The following SVIL variants were observed in gnomAD, a reference collection of about 807,000 sequenced individuals.
The protein encoded by SVIL is archvillin.
A neutral mutation model predicts 240.4 loss-of-function variants in SVIL; 101 were observed. The observed-to-expected ratio is 0.42, with a 90% CI of 0.36 to 0.50. The LOEUF is 0.50. Among genes scored for constraint, SVIL ranks in the 20% least tolerant of loss-of-function variants. The probability of loss-of-function intolerance (pLI) is 0.01; values close to 1 mark genes in which losing one functional copy is unlikely to be tolerated. For synonymous variants in SVIL, 999 were observed against 1,100.0 expected (o/e 0.91, Z 1.82); for missense variants, 2,512 against 2,818.7 (o/e 0.89, Z 2.46).
intron 2 of SVIL, among the ~76,000 whole-genome samples, chr10:29,681,804 G>T (rs1258369555): frequency 6.6e-6 from 1 of 152,156 alleles, no homozygotes; most frequent in Admixed American, 6.5e-5. Flanking sequence ...TTGCAATAAG[G>T]CTTGCTGCTT....
chr10:29,555,397 A>G (rs879230649), intron 3 of SVIL, among the ~76,000 whole-genome samples: 2 of 152,088 alleles, frequency 1.3e-5, no homozygotes, highest in Non-Finnish European at 2.9e-5. Flanking sequence ...TGAATATTTG[A>G]TGCCCATAAA....
In SVIL at chr10:29,631,762, G is replaced by A. The variant is rs1589425727; in HGVS notation, c.-201+2658C>T. ...TGCACTCCAGCTTGGCTGACAGAGT[G>A]AGACTCCATCTCAAAAAAATAAAAA... On this transcript the variant is annotated intron_variant, in intron 1 of 37. Coordinates refer to ENST00000355867, the MANE Select transcript of SVIL (RefSeq NM_021738.3). Among the ~76,000 whole-genome samples the A allele has an allele frequency of 2.6e-5, 4 of 152,102 alleles. No individual in the cohort carries two copies. In the South Asian group the frequency reaches 8.3e-4, roughly 32 times the overall value.
chr10:29,573,664 A>G (rs1017546113), intron 1 of SVIL, among the ~76,000 whole-genome samples: 1 of 151,946 alleles, frequency 6.6e-6, no homozygotes, highest in Admixed American at 6.6e-5. Flanking sequence ...GTCATTCTGT[A>G]GGTTAACATA....
intron 2 of SVIL, among the ~76,000 whole-genome samples, chr10:29,671,330 A>C (rs1344932505): frequency 2.0e-5 from 3 of 152,136 alleles, no homozygotes; most frequent in African/African-American, 7.2e-5. Context: ...TCCTTTCAAT[A>C]ACATTTTGGA....
chr10:29,471,279 G>T, intron 30 of SVIL, 36 bp from the exon 31 acceptor site: 3 of 1,531,200 alleles, frequency 2.0e-6, no homozygotes, highest in African/African-American at 1.4e-5. Flanking sequence ...GGTAAGGGGC[G>T]CGGGGCTTTC....
Position 29,471,257 on chromosome 10 carries a change from CA to C in SVIL, c.5530-15del. The C allele has an allele frequency of 6.2e-7, 1 of 1,601,668 alleles. No individual in the cohort carries two copies. The highest frequency in any genetic ancestry group is 8.5e-7 in the Non-Finnish European group (1 of 1,170,826). ...GAGAACCTGGACCTTCCGATTTAAA[CA>C]GAGGTAAATAGGTAAGGGGCGCGGG... On this transcript the variant is annotated splice_polypyrimidine_tract_variant and intron_variant, in intron 30 of 37. Coordinates refer to ENST00000355867, the MANE Select transcript of SVIL (RefSeq NM_021738.3).
intron 3 of SVIL, among the ~76,000 whole-genome samples, chr10:29,560,659 T>C (rs1564640834): frequency 7.7e-6 from 1 of 129,778 alleles, no homozygotes; most frequent in Admixed American, 8.1e-5. Context: ...TATAACCAAA[T>C]CTTTTTTTAA....
chr10:29,536,830 G>A (rs1231829884), intron 6 of SVIL, among the ~76,000 whole-genome samples: 4 of 147,960 alleles, frequency 2.7e-5, no homozygotes, highest in African/African-American at 1.0e-4. Context: ...AGAGTTGCTG[G>A]AACCTGGGAG....
chr10:29,661,539 C>T (rs1000911495), intron 2 of SVIL, among the ~76,000 whole-genome samples: 2 of 152,136 alleles, frequency 1.3e-5, no homozygotes, highest in African/African-American at 4.8e-5. Flanking sequence ...TCTCTTCTCT[C>T]CGGGGCTCTC....
At chr10:29,466,258 CAT>C (rs1471262487) in intron 33 of SVIL, among the ~76,000 whole-genome samples, 2 of 151,322 alleles carry the variant, frequency 1.3e-5, no homozygotes, top group Non-Finnish European at 2.9e-5. Flanking sequence ...CATAAATATA[CAT>C]ATATTGTATT....
chr10:29,659,151 G>A (rs2133032770), intron 2 of SVIL, among the ~76,000 whole-genome samples: 1 of 152,306 alleles, frequency 6.6e-6, no homozygotes, highest in South Asian at 2.1e-4. Context: ...CAAGGTTACA[G>A]AGTCATTCTT....
intron 12 of SVIL, among the ~76,000 whole-genome samples, chr10:29,528,821 A>G (rs1951127695): frequency 6.6e-6 from 1 of 152,308 alleles, no homozygotes; most frequent in South Asian, 2.1e-4. Flanking sequence ...TACTCTGGGA[A>G]ATTAATTCTG....
chr10:29,642,735 G>A (rs1958531119), intron 3 of SVIL, among the ~76,000 whole-genome samples: 2 of 152,232 alleles, frequency 1.3e-5, no homozygotes, highest in South Asian at 4.2e-4. Flanking sequence ...CCAGGCTGGA[G>A]TGCAATGACA....
upstream of SVIL, among the ~76,000 whole-genome samples, chr10:29,637,093 G>A (rs1958335554): frequency 1.3e-5 from 2 of 152,120 alleles, no homozygotes; most frequent in Non-Finnish European, 2.9e-5. Flanking sequence ...ACAGGTGTGA[G>A]CCACCCTGCC....
chr10:29,635,185 T>A (rs1166684464), upstream of SVIL, among the ~76,000 whole-genome samples: 1 of 152,218 alleles, frequency 6.6e-6, no homozygotes, highest in African/African-American at 2.4e-5. Flanking sequence ...GTCTACTGAA[T>A]AAGCTACAAC....
At chr10:29,694,848 CGCTATAA>C (rs1190898861) in intron 1 of SVIL, among the ~76,000 whole-genome samples, 2 of 152,134 alleles carry the variant, frequency 1.3e-5, no homozygotes, top group African/African-American at 4.8e-5. Flanking sequence ...GAGATTCATA[CGCTATAA>C]GCCGTTGGAC....
chr10:29,474,614 TAAATAAA>T (rs1275621521), intron 29 of SVIL, among the ~76,000 whole-genome samples: 17 of 149,592 alleles, frequency 1.1e-4, no homozygotes, highest in Admixed American at 3.3e-4. Flanking sequence ...AATAAATAAA[TAAATAAA>T]TAAATAAATA....
Position 29,534,256 on chromosome 10 carries a change from C to T in SVIL, c.909-798G>A, listed in dbSNP as rs532804924. On this transcript the variant is annotated intron_variant, in intron 7 of 37. Coordinates refer to ENST00000355867, the MANE Select transcript of SVIL (RefSeq NM_021738.3). ...TGGGGCTCATGCCTGTGATCACAAC[C>T]TTTTGGGAGGCCTGGGCAGGAGGAT... Among the ~76,000 whole-genome samples the T allele has an allele frequency of 6.0e-3, 916 of 152,288 alleles. 14 individuals carry two copies. Among genetic ancestry groups the T allele is most frequent in the African/African-American group, 0.021 (883 of 41,576 alleles).
At chr10:29,485,942 C>T (rs1263069042) in intron 26 of SVIL, 143 bp downstream of exon 26, 4 of 917,426 alleles carry the variant, frequency 4.4e-6, no homozygotes, top group Non-Finnish European at 4.8e-6. Flanking sequence ...CACAAATATC[C>T]TTTAAAAAGC....
Sources: gnomAD v4.1 joint callset for allele counts (sites outside exome capture counted in the v4.1 genomes callset) on GRCh38, gnomAD v4.1.1 for gene constraint, MANE v1.5 for transcripts, NCBI Gene and HGNC (gene_info 2026-07-23, HGNC 2026-07-21) for gene names.